ITGB3: variants seen among roughly 807,000 people sequenced by gnomAD.
ITGB3 encodes integrin beta-3.
Under a neutral mutation model 85.8 loss-of-function variants are expected in ITGB3, and 48 were observed. The ratio of observed to expected loss-of-function variants is 0.56; its 90% CI spans 0.44 to 0.71. The LOEUF (loss-of-function observed/expected upper bound fraction) is 0.71. ITGB3 is among the 30% of genes least tolerant of loss of function. The pLI is 0.00. For missense variants in ITGB3, 861 were observed against 1,019.1 expected (o/e 0.84, Z 2.11); for synonymous variants, 363 against 395.6 (o/e 0.92, Z 0.98).
chr17:47,275,315 G>C (rs139012041), intron 2 of ITGB3, among the ~76,000 whole-genome samples: 1 of 152,108 alleles, frequency 6.6e-6, no homozygotes, highest in African/African-American at 2.4e-5. Flanking sequence ...GTTGTGTCTG[G>C]GGCCCTAGGG....
In ITGB3 at chr17:47,287,138, A is replaced by G; in HGVS notation, c.846A>G (p.Ile282Met). ...TTACCACTGATGCCAAGACTCATAT[A>G]GCATTGGACGGAAGGCTGGCAGGCA... The part of the protein sequence containing the change: ...LVFTTDAKTH[I>M]ALDGRLAGIV... The change falls in exon 6 of 15, where the codon ATA (isoleucine) becomes ATG (methionine). Residue 282 changes from isoleucine (I) to methionine (M), a missense_variant. Physicochemically the swap from Ile to Met is conservative, Grantham distance 10 (BLOSUM62 1). Coordinates refer to ENST00000559488, the MANE Select transcript of ITGB3 (RefSeq NM_000212.3). 1 of 1,614,082 alleles carries G rather than the reference A, an allele frequency of 6.2e-7. No homozygotes were observed. The highest frequency in any genetic ancestry group is 8.5e-7 in the Non-Finnish European group (1 of 1,179,952).
intron 6 of ITGB3, 43 bp from the exon 7 acceptor site, chr17:47,289,638 G>A (rs199512825): frequency 6.5e-5 from 90 of 1,374,936 alleles, no homozygotes; most frequent in Non-Finnish European, 5.6e-5. Context: ...CCCTAGAGAT[G>A]TACATGAGAC....
In ITGB3 at chr17:47,283,462, G is replaced by A; in HGVS notation, c.274G>A (p.Asp92Asn). The change falls in exon 3 of 15, where the codon GAC (aspartate) becomes AAC (asparagine). Residue 92 changes from aspartate (D) to asparagine (N), a missense_variant. Coordinates refer to ENST00000559488, the MANE Select transcript of ITGB3 (RefSeq NM_000212.3). ...FPVSEARVLE[D>N]RPLSDKGSGD... ...AGTGAGTGAGGCCCGAGTACTAGAG[G>A]ACAGGCCCCTCAGCGACAAGGGCTC... 2 of 1,614,240 alleles carry A rather than the reference G, an allele frequency of 1.2e-6. No individual in the cohort carries two copies. The highest frequency in any genetic ancestry group is 1.7e-6 in the Non-Finnish European group (2 of 1,180,048).
At chr17:47,257,140 C>A (rs1176923319) in intron 1 of ITGB3, among the ~76,000 whole-genome samples, 1 of 152,238 alleles carries the variant, frequency 6.6e-6, no homozygotes, top group Non-Finnish European at 1.5e-5. Context: ...CTACTATTGT[C>A]ATTATTCTTC....
At chr17:47,279,280 T>C (rs1461946721) in intron 2 of ITGB3, among the ~76,000 whole-genome samples, 3 of 152,196 alleles carry the variant, frequency 2.0e-5, no homozygotes, top group Non-Finnish European at 4.4e-5. Context: ...CCGGTTTCCC[T>C]GGGAACTGAA....
At chr17:47,263,080 G>C (rs1166384972) in intron 1 of ITGB3, among the ~76,000 whole-genome samples, 2 of 152,192 alleles carry the variant, frequency 1.3e-5, no homozygotes, top group Non-Finnish European at 2.9e-5. Context: ...GAGATGAAGG[G>C]ATGTACTTGA....
At chr17:47,287,048 GT>G (rs1334762789) in intron 5 of ITGB3, 21 bp from the exon 6 acceptor site, 1 of 1,612,768 alleles carries the variant, frequency 6.2e-7, no homozygotes, top group Non-Finnish European at 8.5e-7. Flanking sequence ...CTCTGCCTTT[GT>G]TTTTTGTTTT....
At chr17:47,267,255 T>G (rs2065028930) in intron 1 of ITGB3, among the ~76,000 whole-genome samples, 1 of 152,152 alleles carries the variant, frequency 6.6e-6, no homozygotes, top group Non-Finnish European at 1.5e-5. Context: ...GGCTAACCTG[T>G]CAGAGGAAAG....
chr17:47,290,931 T>A (rs747513848), intron 8 of ITGB3, 23 bp from the exon 9 acceptor site: 17 of 1,613,874 alleles, frequency 1.1e-5, no homozygotes, highest in African/African-American at 2.7e-5. Context: ...ATTTCTTGTC[T>A]TCTTGTGCCC....
In ITGB3 at chr17:47,312,796, T is replaced by G. The variant is rs1000308608; in HGVS notation, c.*2592T>G. Among the ~76,000 whole-genome samples the G allele has an allele frequency of 6.6e-6, 1 of 152,204 alleles. No homozygotes were observed. The highest frequency in any genetic ancestry group is 2.4e-5 in the African/African-American group (1 of 41,442). On this transcript the variant is annotated 3_prime_UTR_variant, in exon 15 of 15. Coordinates refer to ENST00000559488, the MANE Select transcript of ITGB3 (RefSeq NM_000212.3). ...AGTTTTGGCCTGTGGGGTGAACAGC[T>G]AAACAGTGTTCTGGCATCAGATAAC...
chr17:47,279,253 C>T (rs1348230773), intron 2 of ITGB3, among the ~76,000 whole-genome samples: 2 of 152,154 alleles, frequency 1.3e-5, no homozygotes. Context: ...GCTATTTTTG[C>T]CCTTTTTGTG....
At chr17:47,279,367 G>C (rs1326692432) in intron 2 of ITGB3, among the ~76,000 whole-genome samples, 1 of 152,120 alleles carries the variant, frequency 6.6e-6, no homozygotes, top group Non-Finnish European at 1.5e-5. Flanking sequence ...TTCTCAGCCT[G>C]GGTTACCAAG....
intron 10 of ITGB3, among the ~76,000 whole-genome samples, chr17:47,296,600 A>T (rs1021742219): frequency 6.6e-6 from 1 of 152,182 alleles, no homozygotes; most frequent in African/African-American, 2.4e-5. Context: ...GGTGGTTCTC[A>T]ACTGGGAGGA....
chr17:47,258,432 CTCTT>C (rs1406929848), intron 1 of ITGB3, among the ~76,000 whole-genome samples: 1 of 151,482 alleles, frequency 6.6e-6, no homozygotes, highest in African/African-American at 2.4e-5. Context: ...ACCAAAAACA[CTCTT>C]TTTTTTTTTT....
chr17:47,292,268 C>T lies in ITGB3; in HGVS notation c.1390C>T (p.Gln464Ter). ...CACCTTTGATTGTGACTGTGCCTGC[C>T]AGGCCCAAGCTGAACCTAATAGCCA... ...QVTFDCDCAC[Q>*]AQAEPNSHRC... Residue 464 changes from glutamine to a stop codon, truncating the protein, a stop_gained, in exon 10 of 15, where the codon CAG becomes TAG. Coordinates refer to ENST00000559488, the MANE Select transcript of ITGB3 (RefSeq NM_000212.3). LOFTEE classifies it high-confidence loss of function. The T allele has an allele frequency of 6.2e-7, 1 of 1,614,214 alleles. No homozygotes were observed. Among genetic ancestry groups the T allele is most frequent in the Non-Finnish European group, 8.5e-7 (1 of 1,180,032 alleles).
In ITGB3 at chr17:47,299,520, A is replaced by G; in HGVS notation, c.1903A>G (p.Thr635Ala). Residue 635 changes from threonine to alanine, a missense_variant, in exon 11 of 15, where the codon ACC becomes GCC. Coordinates refer to ENST00000559488, the MANE Select transcript of ITGB3 (RefSeq NM_000212.3). The surrounding 1 kb of genome is among the most constrained non-coding windows in gnomAD (Gnocchi z 5.1). ...EKCPTCPDAC[T>A]FKKECVECKK... ...GTGCCCCACCTGCCCAGATGCCTGCACCTTTAAGAAGTGAGTGTGGAGTCT... is the reference window on the plus strand; with the variant it reads ...GTGCCCCACCTGCCCAGATGCCTGCGCCTTTAAGAAGTGAGTGTGGAGTCT... 6.2e-7 allele frequency: 1 copy of G among 1,614,088 alleles called. No individual in the cohort carries two copies. Among genetic ancestry groups the G allele is most frequent in the Non-Finnish European group, 8.5e-7 (1 of 1,179,952 alleles).
chr17:47,309,844 C>T (rs752697609), intron 14 of ITGB3, among the ~76,000 whole-genome samples: 12 of 148,046 alleles, frequency 8.1e-5, no homozygotes, highest in East Asian at 2.0e-4. Flanking sequence ...TTCAGTAAGC[C>T]GAGATTGTGC....
At chr17:47,288,518 A>G (rs1021886291) in intron 6 of ITGB3, among the ~76,000 whole-genome samples, 24 of 152,168 alleles carry the variant, frequency 1.6e-4, no homozygotes, top group African/African-American at 5.8e-4. Context: ...TAAGGACAAT[A>G]TAGCAACTTC....
chr17:47,302,368 C>CT (rs972159691), intron 12 of ITGB3, among the ~76,000 whole-genome samples: 6 of 152,070 alleles, frequency 3.9e-5, no homozygotes, highest in Non-Finnish European at 8.8e-5. Flanking sequence ...GTATCATTTT[C>CT]TTTTTATAGA....
Sources: gnomAD v4.1 joint callset for allele counts (sites outside exome capture counted in the v4.1 genomes callset) on GRCh38, gnomAD v4.1.1 for gene constraint, Gnocchi (gnomAD v3.1) non-coding constraint, MANE v1.5 for transcripts, NCBI Gene and HGNC (gene_info 2026-07-23, HGNC 2026-07-21) for gene names.